The following NCKAP5 variants were observed in gnomAD, a reference collection of about 807,000 sequenced individuals.
NCKAP5 encodes the protein NCK associated protein 5, also known as nck-associated protein 5.
In NCKAP5, 92 loss-of-function variants were observed where a neutral mutation model predicts 167.0. The observed-to-expected ratio is 0.55, with a 90% CI of 0.47 to 0.66. The LOEUF is 0.66. Among genes scored for constraint, NCKAP5 ranks in the 30% least tolerant of loss-of-function variants. The pLI, the probability that NCKAP5 is intolerant of heterozygous loss-of-function variation, is 0.00. For synonymous variants in NCKAP5, 891 were observed against 877.4 expected (o/e 1.02, Z -0.27); for missense variants, 2,378 against 2,315.0 (o/e 1.03, Z -0.56).
intron 2 of NCKAP5, among the ~76,000 whole-genome samples, chr2:133,549,153 G>C (rs200691067): frequency 0.26 from 38,203 of 148,032 alleles, 4,492 homozygotes; most frequent in East Asian, 0.35. Flanking sequence ...TAATGGTAAA[G>C]GGATCAATTC....
intron 3 of NCKAP5, among the ~76,000 whole-genome samples, chr2:133,427,893 C>A (rs530749653): frequency 6.6e-6 from 1 of 152,070 alleles, no homozygotes; most frequent in Non-Finnish European, 1.5e-5. Context: ...AATTCTGATG[C>A]ATCTAGGAAT....
chr2:133,105,806 T>C (rs192083940), intron 6 of NCKAP5, among the ~76,000 whole-genome samples: 274 of 152,368 alleles, frequency 1.8e-3, no homozygotes, highest in African/African-American at 6.0e-3. Context: ...AAAAAAATGT[T>C]GCTGTTGCTC....
the NCKAP5 span, among the ~76,000 whole-genome samples, chr2:133,657,201 C>A: frequency 6.6e-6 from 1 of 152,296 alleles, no homozygotes; most frequent in East Asian, 1.9e-4. Flanking sequence ...GACATCAACA[C>A]GAAACACCTC....
chr2:133,043,547 T>G (rs1344847389), intron 6 of NCKAP5, among the ~76,000 whole-genome samples: 1 of 152,144 alleles, frequency 6.6e-6, no homozygotes, highest in Non-Finnish European at 1.5e-5. Context: ...AAAAACTCAT[T>G]ATGTTTTAAG....
At chr2:133,345,051 T>TA (rs1172129450) in intron 3 of NCKAP5, among the ~76,000 whole-genome samples, 1 of 152,126 alleles carries the variant, frequency 6.6e-6, no homozygotes, top group African/African-American at 2.4e-5. Context: ...ATTCAGCCTT[T>TA]AAGGGGCCCC....
intron 5 of NCKAP5, among the ~76,000 whole-genome samples, chr2:133,157,142 T>C (rs1268622213): frequency 1.3e-5 from 2 of 152,248 alleles, no homozygotes; most frequent in Non-Finnish European, 1.5e-5. Flanking sequence ...CTATTTTCTA[T>C]ATCTCACATC....
At chr2:133,067,955 C>A (rs2080254231) in intron 6 of NCKAP5, among the ~76,000 whole-genome samples, 1 of 152,124 alleles carries the variant, frequency 6.6e-6, no homozygotes, top group Admixed American at 6.6e-5. Flanking sequence ...TTATTCCCCT[C>A]ATGAATTATC....
the NCKAP5 span, among the ~76,000 whole-genome samples, chr2:133,643,995 G>A: frequency 4.6e-5 from 7 of 152,158 alleles, no homozygotes; most frequent in Non-Finnish European, 8.8e-5. Flanking sequence ...AGCCTTTTCT[G>A]ACATGCCCCT....
intron 6 of NCKAP5, among the ~76,000 whole-genome samples, chr2:133,091,382 C>T (rs2081177434): frequency 6.6e-6 from 1 of 152,144 alleles, no homozygotes; most frequent in Admixed American, 6.5e-5. Flanking sequence ...TCCCATTCTG[C>T]AGACCACTCA....
chr2:133,648,775 A>C, the NCKAP5 span, among the ~76,000 whole-genome samples: 1 of 151,974 alleles, frequency 6.6e-6, no homozygotes, highest in Non-Finnish European at 1.5e-5. Context: ...CTAATAATGC[A>C]ATAAACGTTT....
chr2:133,101,926 C>T (rs1331444589), intron 6 of NCKAP5, among the ~76,000 whole-genome samples: 1 of 152,042 alleles, frequency 6.6e-6, no homozygotes, highest in Non-Finnish European at 1.5e-5. Context: ...TCACTAACAT[C>T]CTCGACAATA....
chr2:132,745,985 C>T (rs761089965), intron 16 of NCKAP5, among the ~76,000 whole-genome samples: 2 of 151,748 alleles, frequency 1.3e-5, no homozygotes, highest in Admixed American at 6.6e-5. Context: ...CAAAATTGTT[C>T]GGATATCAAT....
At chr2:133,601,499 G>A in the NCKAP5 span, among the ~76,000 whole-genome samples, 1 of 152,162 alleles carries the variant, frequency 6.6e-6, no homozygotes, top group African/African-American at 2.4e-5. Flanking sequence ...GGAGGCCAAG[G>A]TGGGCGGATC....
At chr2:132,806,059 T>C (rs1321348177) in intron 11 of NCKAP5, among the ~76,000 whole-genome samples, 1 of 152,142 alleles carries the variant, frequency 6.6e-6, no homozygotes, top group Non-Finnish European at 1.5e-5. Context: ...ACTTCATTTA[T>C]AATAACAGTC....
chr2:132,994,219 T>C lies in NCKAP5; in HGVS notation c.362A>G (p.Asn121Ser). The change falls in exon 7 of 20, where the codon AAT becomes AGT. Residue 121 changes from asparagine to serine, a missense_variant. Physicochemically the swap from Asn to Ser is conservative, Grantham distance 46. This residue lies in a region of NCKAP5 where 1,049 missense variants were observed against 1,023.4 expected (regional missense o/e 1.02). Coordinates refer to ENST00000409261, the MANE Select transcript of NCKAP5 (RefSeq NM_207363.3). Reference protein sequence around the residue: ...QFSRMEETVRNLLQSQGSPEQ... With the variant: ...QFSRMEETVRSLLQSQGSPEQ... The stretch of plus-strand genomic sequence containing the variant: ...TGGAGATCCTTGACTCTGCAATAGA[T>C]TTCGTACTGTTTCTTCCATCCTGAG... The C allele has an allele frequency of 1.9e-6, 3 of 1,586,318 alleles. No individual in the cohort carries two copies. Among genetic ancestry groups the C allele is most frequent in the South Asian group, 1.2e-5 (1 of 86,430 alleles).
intron 11 of NCKAP5, among the ~76,000 whole-genome samples, chr2:132,813,511 G>A (rs1334959556): frequency 6.6e-6 from 1 of 152,026 alleles, no homozygotes; most frequent in Non-Finnish European, 1.5e-5. Flanking sequence ...GGAAGTAGGG[G>A]GTCAGTCTAG....
rs1491246478 is a variant in NCKAP5, at chr2:133,226,247, GGT to G, written c.144-12470_144-12469del. 7.9e-5 allele frequency among the ~76,000 whole-genome samples: 12 copies of G among 152,052 alleles called. No individual in the cohort carries two copies. In the East Asian group the frequency reaches 1.7e-3, roughly 22 times the overall value. ...TAAGCCGCCACACCGGGCCCAAAAA[GGT>G]GGTTTTTAGGCTAAATTGGAAATGC... On this transcript the variant is annotated intron_variant, in intron 4 of 19. Coordinates refer to ENST00000409261, the MANE Select transcript of NCKAP5 (RefSeq NM_207363.3).
At chr2:133,426,440 C>CAAAAAAAAAAA (rs77474242) in intron 3 of NCKAP5, among the ~76,000 whole-genome samples, 1 of 73,052 alleles carries the variant, frequency 1.4e-5, no homozygotes, top group African/African-American at 4.2e-5. Flanking sequence ...TAAAGTCTTC[C>CAAAAAAAAAAA]AAAAAAAAAA....
At chr2:133,134,917 T>C (rs992350790) in intron 5 of NCKAP5, among the ~76,000 whole-genome samples, 6 of 152,250 alleles carry the variant, frequency 3.9e-5, no homozygotes, top group Non-Finnish European at 7.3e-5. Context: ...AATAGAGAAC[T>C]GTGCGTGTAA....
Sources: gnomAD v4.1 joint callset for allele counts (sites outside exome capture counted in the v4.1 genomes callset) on GRCh38, gnomAD v4.1.1 for gene constraint, gnomAD v4.1.1 regional missense constraint, MANE v1.5 for transcripts, NCBI Gene and HGNC (gene_info 2026-07-23, HGNC 2026-07-21) for gene names.